ZNF541: variants seen among roughly 807,000 people sequenced by gnomAD.
The protein encoded by ZNF541 is zinc finger protein 541.
ZNF541 carries 23 observed loss-of-function variants against 123.5 expected under a neutral mutation model. The ratio of observed to expected loss-of-function variants is 0.19; its 90% confidence interval spans 0.13 to 0.26. The LOEUF is 0.26. ZNF541 is among the 10% of genes least tolerant of loss of function. The probability of loss-of-function intolerance (pLI) is 1.00; values close to 1 mark genes in which losing one functional copy is unlikely to be tolerated. For missense variants in ZNF541, 1,612 were observed against 1,789.9 expected, an observed-to-expected ratio of 0.90 and a Z score of 1.79; for synonymous variants, 751 against 754.5, an observed-to-expected ratio of 1.00 and a Z score of 0.08.
chr19:47,568,729 A>G (rs950635597), intron 2 of ZNF541, among the ~76,000 whole-genome samples: 5 of 151,998 alleles, frequency 3.3e-5, no homozygotes, highest in African/African-American at 1.2e-4. Flanking sequence ...CTGGAGTGCA[A>G]TGGCGTGGCC....
intron 14 of ZNF541, among the ~76,000 whole-genome samples, chr19:47,525,119 T>C (rs1969224210): frequency 6.6e-6 from 1 of 152,008 alleles, no homozygotes; most frequent in Admixed American, 6.6e-5. Context: ...ACCCTGTCTC[T>C]ACTAAAAATA....
At chr19:47,559,875 C>G (rs1970991297) in intron 2 of ZNF541, among the ~76,000 whole-genome samples, 1 of 149,796 alleles carries the variant, frequency 6.7e-6, no homozygotes, top group South Asian at 2.1e-4. Flanking sequence ...AAAATGGTGA[C>G]TGAAACCCAG....
chr19:47,561,989 C>A (rs968082880), intron 2 of ZNF541, among the ~76,000 whole-genome samples: 1 of 152,230 alleles, frequency 6.6e-6, no homozygotes, highest in African/African-American at 2.4e-5. Flanking sequence ...TGGCTCACGC[C>A]TGTAATCCCA....
chr19:47,534,505 G>T (rs1340953351), intron 9 of ZNF541, among the ~76,000 whole-genome samples: 2 of 152,106 alleles, frequency 1.3e-5, no homozygotes, highest in African/African-American at 4.8e-5. Context: ...ACAAAAATTA[G>T]CCTGGTGTGG....
intron 3 of ZNF541, among the ~76,000 whole-genome samples, chr19:47,552,717 T>C (rs1224197140): frequency 9.8e-6 from 1 of 102,372 alleles, no homozygotes; most frequent in African/African-American, 3.9e-5. Context: ...CACTCTAGCC[T>C]GGGCGATAGA....
rs573227371 is a variant in ZNF541, at chr19:47,520,936, C to T, written c.*288G>A. ...AAGAGCTACCCAGAGCTAAATTTTC[C>T]CCTCCCCAAGCCTCCCTGCTCTAGA... On this transcript the variant is annotated 3_prime_UTR_variant, in exon 17 of 17. Coordinates refer to ENST00000391901, the MANE Select transcript of ZNF541 (RefSeq NM_001277075.3). 1.0e-4 allele frequency: 37 copies of T among 371,100 alleles called. No individual in the cohort carries two copies. The South Asian group carries it at 1.8e-3, about 19-fold the overall frequency. 23.0% of individuals were successfully genotyped at this position (371,100 alleles called of 1,614,324 possible). A position where few individuals can be genotyped will look rare whatever the true frequency, so the allele number is the denominator to read the frequency against.
Position 47,545,726 on chromosome 19 carries a change from A to T in ZNF541, c.803T>A (p.Leu268His). Reference sequence around the variant, plus strand: ...GCGCAGGAGGTCCCGGTGGGGCAGGAGGGAGCCGGGGGACCTGGCCTCTGG... The same window carrying T: ...GCGCAGGAGGTCCCGGTGGGGCAGGTGGGAGCCGGGGGACCTGGCCTCTGG... ...VPPEARSPGS[L>H]LPHRDLLRRI... The change falls in exon 5 of 17, where the codon CTC becomes CAC. Residue 268 changes from leucine (L) to histidine (H), a missense_variant. Around this residue, in one of 5 missense-constraint regions of ZNF541, gnomAD observed 1,080 missense variants for 1,013.8 expected, o/e 1.07. Transcript: ENST00000391901. This position sits in a 1 kb window ranked among gnomAD's most constrained non-coding sequence, Gnocchi z 7.5. 6.5e-7 allele frequency: 1 copy of T among 1,545,812 alleles called. No homozygotes were observed. Among genetic ancestry groups the T allele is most frequent in the Non-Finnish European group, 8.7e-7 (1 of 1,146,566 alleles).
chr19:47,563,881 C>G (rs1457366721), intron 2 of ZNF541, among the ~76,000 whole-genome samples: 1 of 152,146 alleles, frequency 6.6e-6, no homozygotes, highest in Non-Finnish European at 1.5e-5. Context: ...GCTGGGATTA[C>G]AGGCATAAGC....
Position 47,538,344 on chromosome 19 carries a change from A to G in ZNF541, c.2892T>C (p.Pro964=). The change falls in exon 9 of 17, where the codon CCT becomes CCC. Residue 964 remains proline, a synonymous_variant. Transcript: ENST00000391901. The part of the protein sequence containing the change: ...KRPPPSTAGE[P]GPAGCHQSRL... ...GGCTCTGGTGGCATCCTGCAGGGCCAGGCTCCCCAGCCGTGGAGGGTGGGG... is the reference window on the plus strand; with the variant it reads ...GGCTCTGGTGGCATCCTGCAGGGCCGGGCTCCCCAGCCGTGGAGGGTGGGG... 6.5e-7 allele frequency: 1 copy of G among 1,542,950 alleles called. No individual in the cohort carries two copies. Among genetic ancestry groups the G allele is most frequent in the South Asian group, 1.2e-5 (1 of 82,954 alleles).
intron 12 of ZNF541, among the ~76,000 whole-genome samples, chr19:47,530,465 C>G (rs1013243998): frequency 1.3e-5 from 2 of 151,398 alleles, no homozygotes; most frequent in Admixed American, 6.6e-5. Flanking sequence ...GGATTACAGG[C>G]GTGAGCCATG....
intron 9 of ZNF541, among the ~76,000 whole-genome samples, chr19:47,536,308 G>T (rs930634400): frequency 1.3e-5 from 2 of 152,198 alleles, no homozygotes; most frequent in African/African-American, 4.8e-5. Flanking sequence ...ATTTTGGGGG[G>T]CCTGTTCCCA....
At chr19:47,568,172 C>T (rs1449670286) in intron 2 of ZNF541, among the ~76,000 whole-genome samples, 1 of 151,956 alleles carries the variant, frequency 6.6e-6, no homozygotes, top group Non-Finnish European at 1.5e-5. Context: ...TTGAAAAGCT[C>T]CAACCACTGT....
chr19:47,539,309 T>C (rs1278717327), intron 8 of ZNF541, among the ~76,000 whole-genome samples: 1 of 150,144 alleles, frequency 6.7e-6, no homozygotes, highest in African/African-American at 2.4e-5. Flanking sequence ...TTTTTTTTTT[T>C]TTTTTTTTGA....
chr19:47,564,815 C>A (rs538245440), intron 2 of ZNF541, among the ~76,000 whole-genome samples: 1 of 152,228 alleles, frequency 6.6e-6, no homozygotes, highest in African/African-American at 2.4e-5. Flanking sequence ...TGGGTATCTA[C>A]CCAGAGGAAA....
intron 2 of ZNF541, among the ~76,000 whole-genome samples, chr19:47,563,235 A>G (rs1483897334): frequency 6.6e-6 from 1 of 152,232 alleles, no homozygotes; most frequent in Non-Finnish European, 1.5e-5. Context: ...AGGGGGTTTT[A>G]GAAGTGTAAA....
chr19:47,571,118 CT>C (rs560906578), intron 2 of ZNF541, among the ~76,000 whole-genome samples: 86 of 144,848 alleles, frequency 5.9e-4, no homozygotes, highest in Admixed American at 7.6e-4. Context: ...CCTATGCTGT[CT>C]TTTTTTTTTT....
At chr19:47,536,053 A>AT (rs1969804372) in intron 9 of ZNF541, among the ~76,000 whole-genome samples, 1 of 152,240 alleles carries the variant, frequency 6.6e-6, no homozygotes, top group Non-Finnish European at 1.5e-5. Context: ...GGGCCAAAAT[A>AT]TAGGGATATG....
chr19:47,563,741 G>C (rs78385041), intron 2 of ZNF541, among the ~76,000 whole-genome samples: 1 of 152,046 alleles, frequency 6.6e-6, no homozygotes. Context: ...CAGTACCTGG[G>C]ATTACAGGCA....
intron 5 of ZNF541, among the ~76,000 whole-genome samples, chr19:47,542,477 C>A (rs1391412880): frequency 2.0e-5 from 3 of 151,900 alleles, no homozygotes; most frequent in African/African-American, 7.3e-5. Context: ...CACAGTGACA[C>A]CCTGGCTCTA....
Sources: allele counts gnomAD v4.1 joint callset (sites outside exome capture counted in the v4.1 genomes callset), GRCh38; gene constraint gnomAD v4.1.1; regional missense constraint gnomAD v4.1.1; non-coding constraint Gnocchi (gnomAD v3.1); transcripts MANE v1.5; gene names NCBI Gene and HGNC (gene_info 2026-07-23, HGNC 2026-07-21).